RACK1: variants seen among roughly 807,000 people sequenced by gnomAD.
RACK1 encodes the protein small ribosomal subunit protein RACK1.
RACK1 carries 3 observed loss-of-function variants against 42.2 expected under a neutral mutation model. That is an observed-to-expected ratio of 0.07 (90% CI 0.03 to 0.18). RACK1 has a LOEUF of 0.18. Ranked by LOEUF, RACK1 falls within the 10% of genes least tolerant of loss-of-function variation. The pLI, the probability that RACK1 is intolerant of heterozygous loss-of-function variation, is 1.00. For synonymous variants in RACK1, 181 were observed against 154.8 expected (o/e 1.17, Z -1.25); for missense variants, 146 against 403.2 (o/e 0.36, Z 5.46).
At position 181,242,332 on chromosome 5, in the gene RACK1, G is replaced by T; in HGVS notation, c.123C>A (p.Ile41=). ...ILSASRDKTI[I]MWKLTRDETN... is the part of the protein sequence containing the mutation. ...TCTCATCCCTGGTCAGTTTCCACAT[G>T]ATGATGGTCTTATCTAAAGGAGGTA... Residue 41 remains isoleucine (I), a synonymous_variant, in exon 2 of 8, where the codon ATC becomes ATA. Transcript: ENST00000512805. 1 of 1,612,168 alleles carries T rather than the reference G, an allele frequency of 6.2e-7. No homozygotes were observed.
At chr5:181,237,358 T>G (rs186917858) in intron 7 of RACK1, 2 of 705,886 alleles carry the variant, frequency 2.8e-6, no homozygotes, top group African/African-American at 3.5e-5. Context: ...CTCCAGACAT[T>G]TGAAAACTGG....
intron 3 of RACK1, chr5:181,241,124 GA>G (rs34883535): frequency 0.15 from 20,379 of 133,658 alleles, 2,271 homozygotes; most frequent in African/African-American, 0.34. Flanking sequence ...CTGTCTCCGA[GA>G]AAAAAAAAAA....
chr5:181,238,812 A>AAAAC (rs201952860), intron 5 of RACK1: 2 of 471,498 alleles, frequency 4.2e-6, no homozygotes, highest in African/African-American at 4.1e-5. Flanking sequence ...AAAAAAACAA[A>AAAAC]AAACAAACAA....
chr5:181,241,277 A>C, intron 3 of RACK1: 1 of 499,168 alleles, frequency 2.0e-6, no homozygotes, highest in Non-Finnish European at 3.6e-6. Context: ...AAAACACAAA[A>C]AATTAGCTAG....
chr5:181,242,025 T>C (rs1456453568), intron 2 of RACK1, 149 bp downstream of exon 2: 2 of 808,174 alleles, frequency 2.5e-6, no homozygotes, highest in African/African-American at 1.7e-5. Flanking sequence ...TTATTTAAAG[T>C]GAGGGAGGCC....
chr5:181,241,442 A>AG, intron 3 of RACK1, 50 bp downstream of exon 3: 2 of 1,513,430 alleles, frequency 1.3e-6, no homozygotes, highest in South Asian at 2.5e-5. Flanking sequence ...AAAAAAAAAA[A>AG]AGCAAAGTTT....
chr5:181,237,296 C>A (rs1288332921), intron 7 of RACK1: 1 of 739,060 alleles, frequency 1.4e-6, no homozygotes, highest in South Asian at 1.5e-5. Flanking sequence ...CAACAGCCAG[C>A]TTGTAAGTGG....
Position 181,242,323 on chromosome 5 carries a change from T to C in RACK1, c.132A>G (p.Lys44=), listed in dbSNP as rs765093139. Residue 44 remains lysine (K), a synonymous_variant, in exon 2 of 8, where the codon AAA becomes AAG. Coordinates refer to ENST00000512805, the MANE Select transcript of RACK1 (RefSeq NM_006098.5). The part of the protein sequence containing the change: ...ASRDKTIIMW[K]LTRDETNYGI... Reference sequence around the variant, plus strand: ...CATAGTTGGTCTCATCCCTGGTCAGTTTCCACATGATGATGGTCTTATCTA... The same window carrying C: ...CATAGTTGGTCTCATCCCTGGTCAGCTTCCACATGATGATGGTCTTATCTA... The C allele has an allele frequency of 1.1e-5, 18 of 1,613,142 alleles. No individual in the cohort carries two copies. Among genetic ancestry groups the C allele is most frequent in the Non-Finnish European group, 1.5e-5 (18 of 1,179,558 alleles).
At position 181,242,053 on chromosome 5, in the gene RACK1, G is replaced by A; in HGVS notation, c.281+121C>T. The A allele has an allele frequency of 3.4e-6, 3 of 875,434 alleles. No individual in the cohort carries two copies. The South Asian group carries it at 4.4e-5, about 13-fold the overall frequency. The allele number at this position is 875,434 out of a possible 1,614,324, so 54.2% of individuals were successfully genotyped here. On this transcript the variant is annotated intron_variant, in intron 2 of 7. Transcript: ENST00000512805. ...GGGAGGCCAAACATCTTCTGTAGGTGTGCTCTGCTTTCCAGTTCCCAAATG... is the reference window on the plus strand; with the variant it reads ...GGGAGGCCAAACATCTTCTGTAGGTATGCTCTGCTTTCCAGTTCCCAAATG...
intron 3 of RACK1, 62 bp downstream of exon 3, chr5:181,241,426 CAAAA>C (rs57063983): frequency 3.4e-3 from 3,558 of 1,061,924 alleles, no homozygotes; most frequent in South Asian, 4.6e-3. Flanking sequence ...AGACTGTCGC[CAAAA>C]AAAAAAAAAA....
chr5:181,243,906 GAGAGA>G (rs746024453), upstream of RACK1: 3 of 1,447,128 alleles, frequency 2.1e-6, no homozygotes, highest in South Asian at 4.3e-5. Context: ...GTGAAAGAGA[GAGAGA>G]AAAGCCCCCC....
Position 181,239,559 on chromosome 5 carries a change from C to A in RACK1, c.453G>T (p.Val151=), listed in dbSNP as rs955285453. The change falls in exon 4 of 8, where the codon GTG becomes GTT. Residue 151 remains valine, a synonymous_variant. Transcript: ENST00000512805. The part of the protein sequence containing the change: ...TVQDESHSEW[V]SCVRFSPNSS... ...TGTTGGGCGAGAAGCGGACACAAGA[C>A]ACCCACTCTGAGTGGCTCTCATCCT... is the stretch of plus-strand genomic sequence containing the variant. 1.2e-6 allele frequency: 2 copies of A among 1,613,304 alleles called. No individual in the cohort carries two copies. Among genetic ancestry groups the A allele is most frequent in the African/African-American group, 1.3e-5 (1 of 74,912 alleles).
intron 4 of RACK1, 39 bp downstream of exon 4, chr5:181,239,448 C>T (rs763793690): frequency 2.7e-6 from 4 of 1,456,838 alleles, no homozygotes; most frequent in Non-Finnish European, 3.9e-6. Context: ...TGGGAGCACA[C>T]CCTGACTGGT....
At chr5:181,242,749 T>C in intron 1 of RACK1, 1 of 352,290 alleles carries the variant, frequency 2.8e-6, no homozygotes, top group Non-Finnish European at 5.6e-6. Context: ...TAACTAGAGA[T>C]GCGGTTTCAC....
chr5:181,236,941 G>GTTAAGTCAGAAAAGCCAGT lies in RACK1; in HGVS notation c.*35_*36insACTGGCTTTTCTGACTTAA. The GTTAAGTCAGAAAAGCCAGT allele has an allele frequency of 7.3e-7, 1 of 1,371,372 alleles. No homozygotes were observed. The highest frequency in any genetic ancestry group is 9.9e-7 in the Non-Finnish European group (1 of 1,010,372). 85.0% of individuals were successfully genotyped at this position (1,371,372 alleles called of 1,614,324 possible). A position where few individuals can be genotyped will look rare whatever the true frequency, so the allele number is the denominator to read the frequency against. On this transcript the variant is annotated 3_prime_UTR_variant, in exon 8 of 8. Transcript: ENST00000512805. ...AAAAACCTAAAAGTCAGAAAAGCCA[G>GTTAAGTCAGAAAAGCCAGT]TTTTTTTTTTATTTGTAAAGCTCTG...
At position 181,239,559 on chromosome 5, in the gene RACK1, C is replaced by T. The variant is rs955285453; in HGVS notation, c.453G>A (p.Val151=). 4.3e-6 allele frequency: 7 copies of T among 1,613,304 alleles called. No individual in the cohort carries two copies. The Admixed American group carries it at 8.3e-5, about 19-fold the overall frequency. The part of the protein sequence containing the change: ...TVQDESHSEW[V]SCVRFSPNSS... ...TGTTGGGCGAGAAGCGGACACAAGA[C>T]ACCCACTCTGAGTGGCTCTCATCCT... The change falls in exon 4 of 8, where the codon GTG becomes GTA. Residue 151 remains valine (V), a synonymous_variant. Coordinates refer to ENST00000512805, the MANE Select transcript of RACK1 (RefSeq NM_006098.5).
chr5:181,240,259 G>T, intron 3 of RACK1: 1 of 166,334 alleles, frequency 6.0e-6, no homozygotes, highest in Non-Finnish European at 1.3e-5. Flanking sequence ...GGAGGCTGAG[G>T]CAGGAGAATG....
rs759593309 is a variant in RACK1, at chr5:181,243,406, C to A, written c.109+286G>T. 6 of 1,452,466 alleles carry A rather than the reference C, an allele frequency of 4.1e-6. No homozygotes were observed. In the South Asian group the frequency reaches 6.8e-5, roughly 16 times the overall value. 90.0% of individuals were successfully genotyped at this position (1,452,466 alleles called of 1,614,324 possible). On this transcript the variant is annotated intron_variant, in intron 1 of 7. Transcript: ENST00000512805. The stretch of plus-strand genomic sequence containing the variant: ...CCCGGCCCGTAGGCCCCCGGCCACA[C>A]TACGAAGGAGAAGGCAAAAGATATT...
At chr5:181,237,075 C>A (rs1237347401) in intron 7 of RACK1, 33 bp from the exon 8 acceptor site, 2 of 1,611,556 alleles carry the variant, frequency 1.2e-6, no homozygotes, top group Non-Finnish European at 1.7e-6. Flanking sequence ...ACAGGTCAGG[C>A]TGGCATAAAT....
Sources: gnomAD v4.1 joint callset for allele counts on GRCh38, gnomAD v4.1.1 for gene constraint, MANE v1.5 for transcripts, NCBI Gene and HGNC (gene_info 2026-07-23, HGNC 2026-07-21) for gene names.